COL5A2: variants seen among roughly 807,000 people sequenced by gnomAD.
COL5A2 encodes the protein collagen type V alpha 2 chain, also known as collagen alpha-2(V) chain.
COL5A2 carries 23 observed loss-of-function variants against 208.2 expected under a neutral mutation model. The ratio of observed to expected loss-of-function variants is 0.11; its 90% CI spans 0.08 to 0.16. The LOEUF (loss-of-function observed/expected upper bound fraction) is 0.16. COL5A2 is among the 10% of genes least tolerant of loss of function. The pLI is 1.00. For missense variants in COL5A2, 1,590 were observed against 1,956.4 expected, an observed-to-expected ratio of 0.81 and a Z score of 3.53; for synonymous variants, 625 against 628.5, an observed-to-expected ratio of 0.99 and a Z score of 0.08.
At chr2:189,377,150 AGTTCCTGCAGAACC>A in the COL5A2 span, among the ~76,000 whole-genome samples, 1 of 152,178 alleles carries the variant, frequency 6.6e-6, no homozygotes. Context: ...TATAGCCTGC[AGTTCCTGCAGAACC>A]GTACCCAGGC....
chr2:189,405,867 T>C, the COL5A2 span, among the ~76,000 whole-genome samples: 8 of 152,340 alleles, frequency 5.3e-5, no homozygotes, highest in Non-Finnish European at 1.0e-4. Context: ...ATGTCAAGAC[T>C]TAGTCAGCAT....
At chr2:189,085,900 G>T in intron 9 of COL5A2, 128 bp from the exon 10 acceptor site, 1 of 722,564 alleles carries the variant, frequency 1.4e-6, no homozygotes, top group Non-Finnish European at 2.4e-6. Flanking sequence ...GTGACTTTGG[G>T]CAAGTTACTT....
intron 1 of COL5A2, among the ~76,000 whole-genome samples, chr2:189,163,269 C>T (rs557168011): frequency 3.9e-5 from 6 of 152,068 alleles, no homozygotes; most frequent in Non-Finnish European, 7.4e-5. Flanking sequence ...ATAAGCATTG[C>T]AAAGATGAAT....
chr2:189,186,017 T>C (rs1403765179), intron 1 of COL5A2, among the ~76,000 whole-genome samples: 1 of 152,114 alleles, frequency 6.6e-6, no homozygotes, highest in Non-Finnish European at 1.5e-5. Flanking sequence ...ATAATTTTTT[T>C]TTTTTTCTTA....
At chr2:189,123,075 C>T (rs1258523925) in intron 1 of COL5A2, among the ~76,000 whole-genome samples, 1 of 152,116 alleles carries the variant, frequency 6.6e-6, no homozygotes, top group Non-Finnish European at 1.5e-5. Context: ...AGTGATTCTC[C>T]CACCTCAACC....
the COL5A2 span, among the ~76,000 whole-genome samples, chr2:189,353,526 C>T: frequency 6.6e-6 from 1 of 152,050 alleles, no homozygotes; most frequent in East Asian, 1.9e-4. Context: ...AGTTGGATTC[C>T]TAGGTATTTT....
chr2:189,234,962 AT>A, the COL5A2 span, among the ~76,000 whole-genome samples: 2 of 151,710 alleles, frequency 1.3e-5, no homozygotes, highest in Non-Finnish European at 2.9e-5. Context: ...ACTTAACCCA[AT>A]AGGTTCAATA....
upstream of COL5A2, among the ~76,000 whole-genome samples, chr2:189,180,441 CAG>C (rs1239348059): frequency 1.3e-5 from 2 of 152,122 alleles, no homozygotes; most frequent in Non-Finnish European, 2.9e-5. Flanking sequence ...CCTCTTGTCC[CAG>C]AGAGTTTTAC....
At chr2:189,401,045 A>ATTCT in the COL5A2 span, among the ~76,000 whole-genome samples, 1 of 37,136 alleles carries the variant, frequency 2.7e-5, no homozygotes, top group South Asian at 1.1e-3. Flanking sequence ...TGTCCGAGTC[A>ATTCT]TTCTTTTCTT....
chr2:189,308,113 GGGTGTGGGTGTGTA>G, the COL5A2 span, among the ~76,000 whole-genome samples: 1 of 151,944 alleles, frequency 6.6e-6, no homozygotes, highest in South Asian at 2.1e-4. Flanking sequence ...CAATAAACTG[GGGTGTGGGTGTGTA>G]GGTGTGGGTG....
the COL5A2 span, among the ~76,000 whole-genome samples, chr2:189,272,221 T>C: frequency 5.3e-5 from 8 of 152,200 alleles, no homozygotes; most frequent in African/African-American, 1.9e-4. Context: ...CGTATGTTTA[T>C]TGCAGCACTG....
intron 32 of COL5A2, 59 bp downstream of exon 32, chr2:189,058,790 A>G (rs1685958014): frequency 6.9e-7 from 1 of 1,439,872 alleles, no homozygotes; most frequent in Non-Finnish European, 9.7e-7. Flanking sequence ...TTTAAAAGAC[A>G]CCTTTTAAAA....
the COL5A2 span, among the ~76,000 whole-genome samples, chr2:189,373,693 G>A: frequency 1.3e-5 from 2 of 152,098 alleles, no homozygotes; most frequent in Admixed American, 6.6e-5. Context: ...ATATGGCAAG[G>A]ACATATACTT....
the COL5A2 span, among the ~76,000 whole-genome samples, chr2:189,350,909 AT>A: frequency 6.6e-6 from 1 of 152,142 alleles, no homozygotes; most frequent in African/African-American, 2.4e-5. Context: ...TACAAGTTGA[AT>A]TTTTTTTCTG....
At chr2:189,144,398 A>G (rs915281294) in intron 1 of COL5A2, among the ~76,000 whole-genome samples, 19 of 152,104 alleles carry the variant, frequency 1.2e-4, no homozygotes, top group African/African-American at 4.3e-4. Flanking sequence ...TATTTACTGT[A>G]AATTTTGAAT....
Position 189,060,730 on chromosome 2 carries a change from T to C in COL5A2, c.2085A>G (p.Gln695=). 1 of 1,612,478 alleles carries C rather than the reference T, an allele frequency of 6.2e-7. No individual in the cohort carries two copies. The highest frequency in any genetic ancestry group is 1.1e-5 in the South Asian group (1 of 91,032). Residue 695 remains glutamine, a splice_region_variant and synonymous_variant, in exon 31 of 54, where the codon CAA becomes CAG. Coordinates refer to ENST00000374866, the MANE Select transcript of COL5A2 (RefSeq NM_000393.5). ...CCATTATTATTATTTAAACACTTAC[T>C]TGATCACCTGGTTTTCCACCTTCTC... ...PPGEGGKPGD[Q]GVPGDPGAVG...
the COL5A2 span, among the ~76,000 whole-genome samples, chr2:189,238,637 G>A: frequency 6.6e-6 from 1 of 152,086 alleles, no homozygotes. Flanking sequence ...GAAGCCTCAG[G>A]AAACTTACAA....
intron 1 of COL5A2, among the ~76,000 whole-genome samples, chr2:189,122,990 G>A (rs1687537283): frequency 6.6e-6 from 1 of 151,692 alleles, no homozygotes; most frequent in Admixed American, 6.6e-5. Flanking sequence ...TTGAGATGGA[G>A]TTTTGCTCTT....
intron 1 of COL5A2, among the ~76,000 whole-genome samples, chr2:189,210,406 T>G (rs1324075167): frequency 6.7e-6 from 1 of 148,494 alleles, no homozygotes; most frequent in Non-Finnish European, 1.5e-5. Context: ...TTCACTTGAT[T>G]AAAATATTTT....
Sources: gnomAD v4.1 joint callset for allele counts (sites outside exome capture counted in the v4.1 genomes callset) on GRCh38, gnomAD v4.1.1 for gene constraint, MANE v1.5 for transcripts, NCBI Gene and HGNC (gene_info 2026-07-23, HGNC 2026-07-21) for gene names.